Variants in APEH observed in about 807,000 individuals in gnomAD.
APEH encodes acylaminoacyl-peptide hydrolase, also known as acylamino-acid-releasing enzyme.
Under a neutral mutation model 102.7 loss-of-function variants are expected in APEH, and 75 were observed. The ratio of observed to expected loss-of-function variants is 0.73; its 90% CI spans 0.61 to 0.89. APEH has a LOEUF of 0.89. Among genes scored for constraint, APEH ranks in the 40% least tolerant of loss-of-function variants. APEH has a pLI of 0.00. For synonymous variants in APEH, 344 were observed against 362.7 expected (o/e 0.95, Z 0.59); for missense variants, 863 against 941.2 (o/e 0.92, Z 1.09).
At chr3:49,680,697 G>A (rs568458549) in intron 14 of APEH, 68 bp downstream of exon 14, 357 of 1,415,486 alleles carry the variant, frequency 2.5e-4, no homozygotes, top group Middle Eastern at 1.7e-3. Context: ...CCAGGTCAGG[G>A]AATTGGCCCC....
At chr3:49,677,710 G>A (rs771446094) in intron 11 of APEH, 77 bp downstream of exon 11, 31 of 1,400,156 alleles carry the variant, frequency 2.2e-5, no homozygotes, top group Middle Eastern at 2.2e-4. Flanking sequence ...TCCCTGCCCC[G>A]TTCTTCTTTC....
Position 49,681,199 on chromosome 3 carries a change from G to A in APEH, c.1398G>A (p.Arg466=). The A allele has an allele frequency of 1.9e-6, 3 of 1,608,692 alleles. No individual in the cohort carries two copies. Among genetic ancestry groups the A allele is most frequent in the Non-Finnish European group, 2.5e-6 (3 of 1,177,008 alleles). ...EPIPDIHWGI[R]VLQPPPEQEN... ...TTCCCGACATCCACTGGGGCATCCG[G>A]GTGCTACAGCCACCCCCAGAGCAAG... is the stretch of plus-strand genomic sequence containing the variant. The change falls in exon 15 of 22, where the codon CGG becomes CGA. Residue 466 remains arginine, a synonymous_variant. Transcript: ENST00000296456.
rs1463707352 is a variant in APEH, at chr3:49,679,158, A to T, written c.1158+209A>T. On this transcript the variant is annotated intron_variant, in intron 12 of 21. Coordinates refer to ENST00000296456, the MANE Select transcript of APEH (RefSeq NM_001640.4). This position sits in a 1 kb window ranked among gnomAD's most constrained non-coding sequence, Gnocchi z 4.3. ...AGCAGAACTCAGGCCTTTTCGTCTG[A>T]GGCAGAGATGCAACCCCTCCCAGGC... Among the ~76,000 whole-genome samples the T allele has an allele frequency of 2.6e-5, 4 of 152,140 alleles. No individual in the cohort carries two copies.
chr3:49,682,635 C>G lies in APEH; in HGVS notation c.1782C>G (p.Cys594Trp). Residue 594 changes from cysteine (C) to tryptophan (W), a missense_variant, in exon 19 of 22, where the codon TGC becomes TGG. By Grantham distance (215) the Cys-to-Trp change is radical. Coordinates refer to ENST00000296456, the MANE Select transcript of APEH (RefSeq NM_001640.4). ...GTTCCCATGGTGGCTTCATTTCCTG[C>G]CACTTGATTGGTCAGTACCCAGAGA... ...MGGSHGGFIS[C>W]HLIGQYPETY... 1 of 1,614,104 alleles carries G rather than the reference C, an allele frequency of 6.2e-7. No homozygotes were observed. Among genetic ancestry groups the G allele is most frequent in the Non-Finnish European group, 8.5e-7 (1 of 1,180,036 alleles).
chr3:49,679,763 A>C lies in APEH; in HGVS notation c.1210+119A>C. On this transcript the variant is annotated intron_variant, in intron 13 of 21. Transcript: ENST00000296456. This position sits in a 1 kb window ranked among gnomAD's most constrained non-coding sequence, Gnocchi z 4.3. ...ATGGCATTCTCAGCCACTCAGCACC[A>C]CTGACTGTTCCACAGCCTTTACTAA... is the stretch of plus-strand genomic sequence containing the variant. 2 of 1,057,510 alleles carry C rather than the reference A, an allele frequency of 1.9e-6. No homozygotes were observed. Among genetic ancestry groups the C allele is most frequent in the South Asian group, 2.7e-5 (2 of 73,146 alleles). 65.5% of individuals were successfully genotyped at this position (1,057,510 alleles called of 1,614,324 possible).
chr3:49,678,792 T>C (rs1295082366), intron 11 of APEH, 60 bp from the exon 12 acceptor site: 3 of 1,417,722 alleles, frequency 2.1e-6, no homozygotes, highest in South Asian at 1.2e-5. Context: ...TAGCCTTCCT[T>C]GTAGACTACC....
At chr3:49,682,035 A>G (rs1473366022) in intron 17 of APEH, 68 bp downstream of exon 17, 4 of 1,507,646 alleles carry the variant, frequency 2.7e-6, no homozygotes, top group Non-Finnish European at 3.7e-6. Context: ...CCTGGTTTGT[A>G]TAAGTACCAT....
In APEH at chr3:49,683,042, G is replaced by A. The variant is rs894461324; in HGVS notation, c.1989G>A (p.Val663=). 1.2e-6 allele frequency: 2 copies of A among 1,613,816 alleles called. No individual in the cohort carries two copies. Among genetic ancestry groups the A allele is most frequent in the African/African-American group, 2.7e-5 (2 of 74,924 alleles). Residue 663 remains valine, a splice_region_variant and synonymous_variant, in exon 21 of 22, where the codon GTG becomes GTA. Transcript: ENST00000296456. ...CCCACTCTTCCCCAAACACCCAGGT[G>A]AAGACACCACTGTTACTGATGTTGG... ...DKSPIRYIPQ[V]KTPLLLMLGQ...
intron 20 of APEH, 36 bp from the exon 21 acceptor site, chr3:49,683,004 C>T: frequency 6.2e-7 from 1 of 1,611,260 alleles, no homozygotes. Context: ...CAGGGCCCAG[C>T]TCAACACAGC....
chr3:49,682,613 C>A lies in APEH; in HGVS notation c.1760C>A (p.Ser587Tyr). Residue 587 changes from serine to tyrosine, a missense_variant, in exon 19 of 22, where the codon TCC (serine) becomes TAC (tyrosine). Physicochemically the swap from Ser to Tyr is moderately radical, Grantham distance 144. Transcript: ENST00000296456. Reference protein sequence around the residue: ...DASHVALMGGSHGGFISCHLI... With the variant: ...DASHVALMGGYHGGFISCHLI... The stretch of plus-strand genomic sequence containing the variant: ...AGCCATGTGGCCCTTATGGGTGGTT[C>A]CCATGGTGGCTTCATTTCCTGCCAC... The A allele has an allele frequency of 6.2e-7, 1 of 1,614,136 alleles. No individual in the cohort carries two copies. Among genetic ancestry groups the A allele is most frequent in the South Asian group, 1.1e-5 (1 of 91,090 alleles).
In APEH at chr3:49,679,441, C is replaced by T. The variant is rs2053222333; in HGVS notation, c.1159-152C>T. Reference sequence around the variant, plus strand: ...TTGAACCCAGGCCCTCACACTACTCCCTACTGCACTGAGTAACCATCACCA... The same window carrying T: ...TTGAACCCAGGCCCTCACACTACTCTCTACTGCACTGAGTAACCATCACCA... On this transcript the variant is annotated intron_variant, in intron 12 of 21. Coordinates refer to ENST00000296456, the MANE Select transcript of APEH (RefSeq NM_001640.4). This position sits in a 1 kb window ranked among gnomAD's most constrained non-coding sequence, Gnocchi z 4.3. The T allele has an allele frequency of 1.4e-6, 1 of 739,906 alleles. No individual in the cohort carries two copies. Among genetic ancestry groups the T allele is most frequent in the Non-Finnish European group, 2.3e-6 (1 of 437,066 alleles). 45.8% of individuals were successfully genotyped at this position (739,906 alleles called of 1,614,324 possible).
chr3:49,680,588 A>G lies in APEH; in HGVS notation c.1258A>G (p.Met420Val). 6.2e-7 allele frequency: 1 copy of G among 1,614,084 alleles called. No homozygotes were observed. Residue 420 changes from methionine (M) to valine (V), a missense_variant, in exon 14 of 22, where the codon ATG (methionine) becomes GTG (valine). Coordinates refer to ENST00000296456, the MANE Select transcript of APEH (RefSeq NM_001640.4). The stretch of plus-strand genomic sequence containing the variant: ...GTTGCTCACAATTGACCAGGACCTC[A>G]TGGTGGCACAGTTTTCCACACCCAG... Reference protein sequence around the residue: ...WKLLTIDQDLMVAQFSTPSLP... With the variant: ...WKLLTIDQDLVVAQFSTPSLP...
chr3:49,682,748 C>T lies in APEH; in HGVS notation c.1883+12C>T. On this transcript the variant is annotated intron_variant, in intron 19 of 21. Coordinates refer to ENST00000296456, the MANE Select transcript of APEH (RefSeq NM_001640.4). ...GACATCCCTGACTGGTAGGCATACA[C>T]CACAGGTCCCTGCCCTTCCCTCCTC... is the stretch of plus-strand genomic sequence containing the variant. 1 of 1,613,722 alleles carries T rather than the reference C, an allele frequency of 6.2e-7. No homozygotes were observed. Among genetic ancestry groups the T allele is most frequent in the Non-Finnish European group, 8.5e-7 (1 of 1,179,834 alleles).
rs1057260885 is a variant in APEH, at chr3:49,676,483, G to A, written c.712G>A (p.Glu238Lys). ...DVESGNISVL[E>K]GVPENVSPGQ... The stretch of plus-strand genomic sequence containing the variant: ...CGAGAGTGGCAACATCTCTGTGCTT[G>A]AGGGGGTCCCTGAGAATGTGTCCCC... Residue 238 changes from glutamate (E) to lysine (K), a missense_variant, in exon 7 of 22, where the codon GAG becomes AAG. Coordinates refer to ENST00000296456, the MANE Select transcript of APEH (RefSeq NM_001640.4). 1.2e-6 allele frequency: 2 copies of A among 1,614,116 alleles called. No individual in the cohort carries two copies. Among genetic ancestry groups the A allele is most frequent in the Non-Finnish European group, 8.5e-7 (1 of 1,180,040 alleles).
chr3:49,681,405 A>C (rs763735237), intron 15 of APEH, among the ~76,000 whole-genome samples, 166 bp downstream of exon 15: 1 of 152,200 alleles, frequency 6.6e-6, no homozygotes, highest in Non-Finnish European at 1.5e-5. Context: ...GCATCTAGAC[A>C]TCTGAGCGCC....
chr3:49,675,488 G>C, intron 3 of APEH, 179 bp downstream of exon 3: 1 of 1,049,206 alleles, frequency 9.5e-7, no homozygotes. Context: ...TCCAAACTCA[G>C]CCTGGACTAG....
rs535375957 is a variant in APEH at position 49,679,093 on chromosome 3, T to C, written c.1158+144T>C. 9 of 666,622 alleles carry C rather than the reference T, an allele frequency of 1.4e-5. No homozygotes were observed. The African/African-American group carries it at 1.5e-4, about 11-fold the overall frequency. The allele number at this position is 666,622 out of a possible 1,614,324, so 41.3% of individuals were successfully genotyped here. A position where few individuals can be genotyped will look rare whatever the true frequency, so the allele number is the denominator to read the frequency against. On this transcript the variant is annotated intron_variant, in intron 12 of 21. Coordinates refer to ENST00000296456, the MANE Select transcript of APEH (RefSeq NM_001640.4). The surrounding 1 kb of genome is among the most constrained non-coding windows in gnomAD (Gnocchi z 4.3). ...AAAACCCTGCCTGCCCATCCTGGAC[T>C]CATTTCTCCTGGAGGGGACTGGCTG...
Position 49,682,606 on chromosome 3 carries a change from G to A in APEH, c.1753G>A (p.Gly585Ser), listed in dbSNP as rs2053391928. 1 of 1,614,008 alleles carries A rather than the reference G, an allele frequency of 6.2e-7. No individual in the cohort carries two copies. The highest frequency in any genetic ancestry group is 1.7e-5 in the Admixed American group (1 of 60,008). The change falls in exon 19 of 22, where the codon GGT (glycine) becomes AGT (serine). Residue 585 changes from glycine to serine, a missense_variant. Gly to Ser is a moderately conservative substitution (Grantham distance 56). Coordinates refer to ENST00000296456, the MANE Select transcript of APEH (RefSeq NM_001640.4). ...HFDASHVALM[G>S]GSHGGFISCH... is the part of the protein sequence containing the mutation. ...TGATGCAAGCCATGTGGCCCTTATG[G>A]GTGGTTCCCATGGTGGCTTCATTTC...
Position 49,683,682 on chromosome 3 carries a change from A to C in APEH, c.*340A>C. On this transcript the variant is annotated 3_prime_UTR_variant, in exon 22 of 22. Coordinates refer to ENST00000296456, the MANE Select transcript of APEH (RefSeq NM_001640.4). ...CCTGTCCTGGCAACCAGGACTCTGT[A>C]CCAGCCTAGCTTCCCTGCTGCAGCC... 2.2e-6 allele frequency: 1 copy of C among 458,804 alleles called. No individual in the cohort carries two copies. The highest frequency in any genetic ancestry group is 4.0e-6 in the Non-Finnish European group (1 of 252,082). 28.4% of individuals were successfully genotyped at this position (458,804 alleles called of 1,614,324 possible).
Sources: gnomAD v4.1 joint callset for allele counts (sites outside exome capture counted in the v4.1 genomes callset) on GRCh38, gnomAD v4.1.1 for gene constraint, Gnocchi (gnomAD v3.1) non-coding constraint, MANE v1.5 for transcripts, NCBI Gene and HGNC (gene_info 2026-07-23, HGNC 2026-07-21) for gene names.